LRRC59: variants seen among roughly 807,000 people sequenced by gnomAD.
LRRC59 encodes leucine-rich repeat-containing protein 59.
LRRC59 carries 18 observed loss-of-function variants against 33.5 expected under a neutral mutation model. That is an observed-to-expected ratio of 0.54 (90% CI 0.37 to 0.80). LRRC59 has a LOEUF of 0.80. Among genes scored for constraint, LRRC59 ranks in the 30% least tolerant of loss-of-function variants. The probability of loss-of-function intolerance (pLI) is 0.00; values close to 1 mark genes in which losing one functional copy is unlikely to be tolerated. For missense variants in LRRC59, 330 were observed against 391.9 expected (o/e 0.84, Z 1.33); for synonymous variants, 138 against 160.0 (o/e 0.86, Z 1.04).
Position 50,397,467 on chromosome 17 carries a change from C to G in LRRC59, c.-150G>C. On this transcript the variant is annotated 5_prime_UTR_variant, in exon 1 of 7. Transcript: ENST00000225972. Reference sequence around the variant, plus strand: ...TGCGAGACCGCCTCCGCCCGCTGGCCGCACTCCGAGCCTCGCGCCTAGCTC... The same window carrying G: ...TGCGAGACCGCCTCCGCCCGCTGGCGGCACTCCGAGCCTCGCGCCTAGCTC... The G allele has an allele frequency of 1.9e-6, 1 of 539,212 alleles. No individual in the cohort carries two copies. Among genetic ancestry groups the G allele is most frequent in the Non-Finnish European group, 3.2e-6 (1 of 312,010 alleles). 33.4% of individuals were successfully genotyped at this position (539,212 alleles called of 1,614,324 possible).
intron 4 of LRRC59, 36 bp from the exon 5 acceptor site, chr17:50,388,168 A>T (rs1391431599): frequency 1.3e-6 from 2 of 1,589,586 alleles, no homozygotes; most frequent in Middle Eastern, 1.7e-4. Flanking sequence ...TGCTCTTCAT[A>T]GTCATGTTTG....
rs1418196359 is a variant in LRRC59, at chr17:50,397,430, C to T, written c.-113G>A. On this transcript the variant is annotated 5_prime_UTR_variant, in exon 1 of 7. Coordinates refer to ENST00000225972, the MANE Select transcript of LRRC59 (RefSeq NM_018509.4). The stretch of plus-strand genomic sequence containing the variant: ...CCCAAACGACGACGCCTGAGCCCTC[C>T]GTCGCCGCCGATGCGAGACCGCCTC... The T allele has an allele frequency of 2.8e-6, 2 of 706,710 alleles. No individual in the cohort carries two copies. The highest frequency in any genetic ancestry group is 4.3e-6 in the Non-Finnish European group (2 of 463,784). The allele number at this position is 706,710 out of a possible 1,614,324, so 43.8% of individuals were successfully genotyped here.
chr17:50,394,906 T>C, intron 2 of LRRC59, 23 bp downstream of exon 2: 3 of 1,490,324 alleles, frequency 2.0e-6, no homozygotes, highest in Non-Finnish European at 9.1e-7. Context: ...CCAGAAGGAG[T>C]CACGGCTGCA....
chr17:50,386,635 T>G lies in LRRC59; in HGVS notation c.503-1344A>C, dbSNP rs550195098. ...CCAGCCTCTAGGGAACATGGGCCAC[T>G]GAGAGGTGAAGGCAACAGGGGTCAG... On this transcript the variant is annotated intron_variant, in intron 5 of 6. Coordinates refer to ENST00000225972, the MANE Select transcript of LRRC59 (RefSeq NM_018509.4). Among the ~76,000 whole-genome samples, 35 of 152,274 alleles carry G rather than the reference T, an allele frequency of 2.3e-4. No homozygotes were observed. The South Asian group carries it at 7.3e-3, about 32-fold the overall frequency.
chr17:50,385,841 C>T (rs1355725155), intron 5 of LRRC59, among the ~76,000 whole-genome samples: 1 of 152,122 alleles, frequency 6.6e-6, no homozygotes. Flanking sequence ...GGGAGTATCA[C>T]TTGAGGCCAG....
chr17:50,387,533 G>A (rs148630845), intron 5 of LRRC59, among the ~76,000 whole-genome samples: 19 of 152,312 alleles, frequency 1.2e-4, no homozygotes, highest in Middle Eastern at 3.4e-3. Flanking sequence ...GTTGTGAAGA[G>A]AATGAGTTTA....
intron 1 of LRRC59, 182 bp downstream of exon 1, chr17:50,397,031 C>T (rs1332289995): frequency 8.8e-6 from 4 of 456,002 alleles, no homozygotes; most frequent in Non-Finnish European, 1.6e-5. Context: ...CAAAGTGACA[C>T]GTGTACATCC....
intron 1 of LRRC59, among the ~76,000 whole-genome samples, chr17:50,395,808 G>C (rs1382521701): frequency 6.6e-6 from 1 of 152,002 alleles, no homozygotes; most frequent in East Asian, 1.9e-4. Context: ...AGCTACTCGG[G>C]AGGCTGAGGC....
Position 50,383,188 on chromosome 17 carries a change from T to C in LRRC59, c.724A>G (p.Thr242Ala). The C allele has an allele frequency of 6.4e-7, 1 of 1,560,120 alleles. No individual in the cohort carries two copies. The highest frequency in any genetic ancestry group is 8.7e-7 in the Non-Finnish European group (1 of 1,151,806). The change falls in exon 7 of 7, where the codon ACT becomes GCT. Residue 242 changes from threonine to alanine, a missense_variant. Coordinates refer to ENST00000225972, the MANE Select transcript of LRRC59 (RefSeq NM_018509.4). ...RPRKPPPRKH[T>A]RSWAVLKLLL... is the part of the protein sequence containing the mutation. Reference sequence around the variant, plus strand: ...AGCTTCAGCACAGCCCAGGAACGAGTGTGCTTCCGGGGTGGTGGCTTGCGG... The same window carrying C: ...AGCTTCAGCACAGCCCAGGAACGAGCGTGCTTCCGGGGTGGTGGCTTGCGG...
chr17:50,394,866 C>G, intron 2 of LRRC59, 63 bp downstream of exon 2: 1 of 1,256,920 alleles, frequency 8.0e-7, no homozygotes, highest in Non-Finnish European at 1.1e-6. Context: ...CTCTCAACCC[C>G]CGAAACAGGA....
At chr17:50,383,290 A>G in intron 6 of LRRC59, 55 bp from the exon 7 acceptor site, 1 of 1,521,516 alleles carries the variant, frequency 6.6e-7, no homozygotes, top group Non-Finnish European at 8.8e-7. Context: ...GACCTGCTCT[A>G]TACTAATCTC....
Position 50,383,018 on chromosome 17 carries a change from C to A in LRRC59, c.894G>T (p.Gln298His). The change falls in exon 7 of 7, where the codon CAG (glutamine) becomes CAT (histidine). Residue 298 changes from glutamine (Q) to histidine (H), a missense_variant. By Grantham distance (24) the Gln-to-His change is conservative. Transcript: ENST00000225972. ...GCTGAGAGTCGGTCTGGAGGACCCA[C>A]TGGAGGATCTCATGGCGGCGTAGAC... ...VQGLRRHEIL[Q>H]WVLQTDSQQ 6.2e-7 allele frequency: 1 copy of A among 1,612,974 alleles called. No individual in the cohort carries two copies. Among genetic ancestry groups the A allele is most frequent in the Non-Finnish European group, 8.5e-7 (1 of 1,180,014 alleles).
chr17:50,394,928 C>G lies in LRRC59; in HGVS notation c.165+1G>C. 1 of 1,593,930 alleles carries G rather than the reference C, an allele frequency of 6.3e-7. No homozygotes were observed. Among genetic ancestry groups the G allele is most frequent in the Non-Finnish European group, 8.6e-7 (1 of 1,165,972 alleles). Reference sequence around the variant, plus strand: ...GAGTCACGGCTGCATGCCAATCTTACCGGTAGAGTAGTCAGTTTATTACAA... The same window carrying G: ...GAGTCACGGCTGCATGCCAATCTTAGCGGTAGAGTAGTCAGTTTATTACAA... On this transcript the variant is annotated splice_donor_variant, in intron 2 of 6. Coordinates refer to ENST00000225972, the MANE Select transcript of LRRC59 (RefSeq NM_018509.4). LOFTEE classifies it high-confidence loss of function.
chr17:50,385,339 A>T, intron 5 of LRRC59, 48 bp from the exon 6 acceptor site: 1 of 1,585,254 alleles, frequency 6.3e-7, no homozygotes, highest in Non-Finnish European at 8.6e-7. Context: ...CAAACACTCC[A>T]GCAGTTTGCT....
intron 4 of LRRC59, 147 bp downstream of exon 4, chr17:50,392,251 T>C: frequency 1.6e-6 from 1 of 630,978 alleles, no homozygotes; most frequent in Non-Finnish European, 2.8e-6. Flanking sequence ...AAGGTCTCTG[T>C]TTGACAGGCT....
chr17:50,389,636 T>C (rs1289577219), intron 4 of LRRC59, among the ~76,000 whole-genome samples: 3 of 152,356 alleles, frequency 2.0e-5, no homozygotes, highest in South Asian at 4.1e-4. Context: ...CTTGTTTTAC[T>C]ACTGCACTTA....
In LRRC59 at chr17:50,382,892, T is replaced by G. The variant is rs1598367100; in HGVS notation, c.*96A>C. The G allele has an allele frequency of 6.8e-7, 1 of 1,461,746 alleles. No individual in the cohort carries two copies. 90.5% of individuals were successfully genotyped at this position (1,461,746 alleles called of 1,614,324 possible). On this transcript the variant is annotated 3_prime_UTR_variant, in exon 7 of 7. Transcript: ENST00000225972. ...TCTGCAGCCATTTGATGATGGCAGG[T>G]AGGTCTGATGCTAAAAAGAGGTTGT...
intron 5 of LRRC59, among the ~76,000 whole-genome samples, chr17:50,387,273 G>T (rs72832494): frequency 0.021 from 3,143 of 152,276 alleles, 54 homozygotes; most frequent in Middle Eastern, 0.054. Context: ...AGAGACTAAG[G>T]GAAAAGGAAA....
chr17:50,395,257 A>C (rs916505114), intron 1 of LRRC59, among the ~76,000 whole-genome samples: 1 of 151,822 alleles, frequency 6.6e-6, no homozygotes, highest in African/African-American at 2.4e-5. Context: ...CTGTAGTCTC[A>C]TAGTCTCAGC....
Sources: gnomAD v4.1 joint callset for allele counts (sites outside exome capture counted in the v4.1 genomes callset) on GRCh38, gnomAD v4.1.1 for gene constraint, MANE v1.5 for transcripts, NCBI Gene and HGNC (gene_info 2026-07-23, HGNC 2026-07-21) for gene names.